The following CSAD variants were observed in gnomAD, a reference collection of about 807,000 sequenced individuals.
The protein encoded by CSAD is P-selectin cytoplasmic tail-associated protein.
In CSAD, 47 loss-of-function variants were observed where a neutral mutation model predicts 61.5. The observed-to-expected ratio is 0.76, with a 90% CI of 0.60 to 0.97. CSAD has a LOEUF of 0.97. Among genes scored for constraint, CSAD ranks in the 50% least tolerant of loss-of-function variants. CSAD has a pLI of 0.00. For missense variants in CSAD, 611 were observed against 643.6 expected, an observed-to-expected ratio of 0.95 and a Z score of 0.55; for synonymous variants, 245 against 252.7, an observed-to-expected ratio of 0.97 and a Z score of 0.29.
intron 10 of CSAD, among the ~76,000 whole-genome samples, chr12:53,169,479 C>CA (rs111958598): frequency 2.3e-3 from 246 of 107,778 alleles, no homozygotes; most frequent in Middle Eastern, 6.0e-3. Flanking sequence ...AACTCCATCT[C>CA]AAAAAAAAAA....
intron 14 of CSAD, 70 bp downstream of exon 14, chr12:53,160,050 G>C (rs1447477526): frequency 9.4e-6 from 15 of 1,600,158 alleles, no homozygotes; most frequent in African/African-American, 1.3e-5. Flanking sequence ...AATCCCGGGA[G>C]CAGGAAAGAG....
chr12:53,175,422 T>C (rs1481428402), intron 2 of CSAD, among the ~76,000 whole-genome samples: 1 of 152,134 alleles, frequency 6.6e-6, no homozygotes, highest in African/African-American at 2.4e-5. Flanking sequence ...GCCAGGTTTA[T>C]GGTTAGAAAG....
chr12:53,175,441 C>A (rs950849342), intron 2 of CSAD, among the ~76,000 whole-genome samples: 3 of 152,144 alleles, frequency 2.0e-5, no homozygotes, highest in Non-Finnish European at 4.4e-5. Flanking sequence ...AGCTAAAGTA[C>A]TCTGTGCTAT....
intron 2 of CSAD, chr12:53,178,336 T>A: frequency 2.2e-6 from 1 of 452,658 alleles, no homozygotes; most frequent in Non-Finnish European, 4.4e-6. Context: ...AAAAAAAAAC[T>A]ACAAAATTAT....
At chr12:53,170,871 C>A (rs530424760) in intron 8 of CSAD, 10 of 378,830 alleles carry the variant, frequency 2.6e-5, no homozygotes, top group African/African-American at 2.1e-4. Flanking sequence ...CAGGTGCCCA[C>A]CACCATGCCT....
chr12:53,171,016 C>T (rs1034369844), intron 8 of CSAD: 7 of 522,864 alleles, frequency 1.3e-5, no homozygotes, highest in East Asian at 4.3e-5. Flanking sequence ...TCACCGTGCC[C>T]GGCCAGATTC....
intron 10 of CSAD, among the ~76,000 whole-genome samples, chr12:53,161,624 C>A (rs1186429378): frequency 2.0e-5 from 3 of 151,916 alleles, no homozygotes; most frequent in Non-Finnish European, 4.4e-5. Context: ...AGCTCATACT[C>A]TCAAAGAACT....
In CSAD at chr12:53,172,549, C is replaced by G. The variant is rs748852009; in HGVS notation, c.226G>C (p.Ala76Pro). 2 of 1,613,948 alleles carry G rather than the reference C, an allele frequency of 1.2e-6. No homozygotes were observed. The highest frequency in any genetic ancestry group is 1.7e-6 in the Non-Finnish European group (2 of 1,179,966). Reference protein sequence around the residue: ...SQKQILERCRAVIRYSVKTGH... With the variant: ...SQKQILERCRPVIRYSVKTGH... ...GTCTTGACACTGTAGCGAATCACAGCCCGACACCGCTCCAGGATCTGCTTC... is the reference window on the plus strand; with the variant it reads ...GTCTTGACACTGTAGCGAATCACAGGCCGACACCGCTCCAGGATCTGCTTC... The change falls in exon 5 of 17, where the codon GCT becomes CCT. Residue 76 changes from alanine (A) to proline (P), a missense_variant. By Grantham distance (27) the Ala-to-Pro change is conservative. Coordinates refer to ENST00000444623, the MANE Select transcript of CSAD (RefSeq NM_001244705.2).
chr12:53,173,201 C>G, intron 4 of CSAD, 144 bp downstream of exon 4: 3 of 781,984 alleles, frequency 3.8e-6, no homozygotes, highest in Non-Finnish European at 5.9e-6. Flanking sequence ...GAGCGAGACT[C>G]TGTCAAGAAA....
Position 53,170,492 on chromosome 12 carries a change from G to T in CSAD, c.578C>A (p.Ser193Tyr), listed in dbSNP as rs1476201117. Residue 193 changes from serine (S) to tyrosine (Y), a missense_variant, in exon 9 of 17, where the codon TCC becomes TAC. Physicochemically the swap from Ser to Tyr is moderately radical, Grantham distance 144 (BLOSUM62 -2). Coordinates refer to ENST00000444623, the MANE Select transcript of CSAD (RefSeq NM_001244705.2). ...CAGAAACGCAGCTCCCTTCTGGATG[G>T]AGTAGTGACACTGTGGGGGAAGGCA... ...ALFTSKECHY[S>Y]IQKGAAFLGL... The T allele has an allele frequency of 6.2e-7, 1 of 1,614,052 alleles. No individual in the cohort carries two copies. Among genetic ancestry groups the T allele is most frequent in the Non-Finnish European group, 8.5e-7 (1 of 1,179,938 alleles).
intron 8 of CSAD, 83 bp from the exon 9 acceptor site, chr12:53,170,585 A>C: frequency 9.8e-7 from 1 of 1,024,244 alleles, no homozygotes; most frequent in Non-Finnish European, 1.5e-6. Context: ...AGCTCCAACA[A>C]ATGGGATCCT....
In CSAD at chr12:53,172,003, A is replaced by G. The variant is rs201888426; in HGVS notation, c.345-15T>C. 6.7e-5 allele frequency: 107 copies of G among 1,590,632 alleles called. No individual in the cohort carries two copies. The highest frequency in any genetic ancestry group is 1.1e-5 in the South Asian group (1 of 90,426). On this transcript the variant is annotated splice_polypyrimidine_tract_variant and intron_variant, in intron 6 of 16. Coordinates refer to ENST00000444623, the MANE Select transcript of CSAD (RefSeq NM_001244705.2). ...CATATGTGTACCTGCCAGGAGAGAGAACGACGAGAAAGGAGAGATGGGGAG... is the reference window on the plus strand; with the variant it reads ...CATATGTGTACCTGCCAGGAGAGAGGACGACGAGAAAGGAGAGATGGGGAG...
chr12:53,161,476 T>G, intron 10 of CSAD, 87 bp from the exon 11 acceptor site: 1 of 1,085,764 alleles, frequency 9.2e-7, no homozygotes, highest in Non-Finnish European at 1.4e-6. Flanking sequence ...CTAAGCTCTT[T>G]GCATGCCTAA....
chr12:53,159,584 G>A (rs772195784), intron 16 of CSAD, 39 bp downstream of exon 16: 2 of 1,557,800 alleles, frequency 1.3e-6, no homozygotes, highest in East Asian at 2.3e-5. Context: ...AGTTGCATCA[G>A]CTCCCTAACG....
rs1282320099 is a variant in CSAD at position 53,172,001 on chromosome 12, A to G, written c.345-13T>C. 1 of 1,591,764 alleles carries G rather than the reference A, an allele frequency of 6.3e-7. No homozygotes were observed. Among genetic ancestry groups the G allele is most frequent in the African/African-American group, 1.3e-5 (1 of 74,424 alleles). ...TTCATATGTGTACCTGCCAGGAGAG[A>G]GAACGACGAGAAAGGAGAGATGGGG... On this transcript the variant is annotated splice_polypyrimidine_tract_variant and intron_variant, in intron 6 of 16. Coordinates refer to ENST00000444623, the MANE Select transcript of CSAD (RefSeq NM_001244705.2).
chr12:53,160,282 T>C lies in CSAD; in HGVS notation c.1004A>G (p.Tyr335Cys). The C allele has an allele frequency of 6.2e-7, 1 of 1,614,176 alleles. No homozygotes were observed. The highest frequency in any genetic ancestry group is 8.5e-7 in the Non-Finnish European group (1 of 1,180,014). Residue 335 changes from tyrosine to cysteine, a missense_variant, in exon 14 of 17, where the codon TAC becomes TGC. Physicochemically the swap from Tyr to Cys is radical, Grantham distance 194. Coordinates refer to ENST00000444623, the MANE Select transcript of CSAD (RefSeq NM_001244705.2). ...LKRCHGSQAS[Y>C]LFQQDKFYDV... ...GTAGAACTTGTCCTGCTGGAAAAGG[T>C]AGCTGGCCTGGGACCCATGGCAGCG... is the stretch of plus-strand genomic sequence containing the variant.
At chr12:53,180,589 C>A in intron 1 of CSAD, 143 bp downstream of exon 1, 2 of 1,285,472 alleles carry the variant, frequency 1.6e-6, no homozygotes, top group Non-Finnish European at 2.0e-6. Context: ...CTCCGTGCGT[C>A]CCCAAGCTCA....
In CSAD at chr12:53,160,257, G is replaced by A. The variant is rs780309504; in HGVS notation, c.1029C>T (p.Tyr343=). ...ASYLFQQDKF[Y]DVALDTGDKV... is the part of the protein sequence containing the mutation. ...TGTCTCCCGTGTCCAGAGCCACATC[G>A]TAGAACTTGTCCTGCTGGAAAAGGT... Residue 343 remains tyrosine, a synonymous_variant, in exon 14 of 17, where the codon TAC becomes TAT. Transcript: ENST00000444623. The A allele has an allele frequency of 2.8e-5, 46 of 1,614,088 alleles. No individual in the cohort carries two copies. The highest frequency in any genetic ancestry group is 1.9e-5 in the Non-Finnish European group (23 of 1,180,044).
Position 53,161,412 on chromosome 12 carries a change from G to C in CSAD, c.703-23C>G, listed in dbSNP as rs946696096. The C allele has an allele frequency of 2.5e-6, 4 of 1,588,070 alleles. No individual in the cohort carries two copies. In the African/African-American group the frequency reaches 5.4e-5, roughly 21 times the overall value. On this transcript the variant is annotated intron_variant, in intron 10 of 16. Transcript: ENST00000444623. ...ACCCTGTTGCCAAAATGTAGAGGGA[G>C]AAAGATGTAAAGTCATCTCAAAAGC... is the stretch of plus-strand genomic sequence containing the variant.
Sources: allele counts gnomAD v4.1 joint callset (sites outside exome capture counted in the v4.1 genomes callset), GRCh38; gene constraint gnomAD v4.1.1; transcripts MANE v1.5; gene names NCBI Gene and HGNC (gene_info 2026-07-23, HGNC 2026-07-21).